Variants in PPARGC1A observed in about 807,000 individuals in gnomAD.
PPARGC1A encodes PPARG coactivator 1 alpha.
A neutral mutation model predicts 88.7 loss-of-function variants in PPARGC1A; 25 were observed. The ratio of observed to expected loss-of-function variants is 0.28; its 90% CI spans 0.21 to 0.39. PPARGC1A has a LOEUF of 0.39. PPARGC1A is among the 10% of genes least tolerant of loss of function. The pLI is 1.00. For missense variants in PPARGC1A, 880 were observed against 968.7 expected, an observed-to-expected ratio of 0.91 and a Z score of 1.22; for synonymous variants, 363 against 355.6, an observed-to-expected ratio of 1.02 and a Z score of -0.24.
chr4:24,123,925 A>C, the PPARGC1A span, among the ~76,000 whole-genome samples: 5 of 146,324 alleles, frequency 3.4e-5, no homozygotes, highest in Non-Finnish European at 7.6e-5. Context: ...AAAAAAAAAA[A>C]CAAAAAAAAC....
the PPARGC1A span, among the ~76,000 whole-genome samples, chr4:24,267,008 G>C: frequency 1.3e-5 from 2 of 152,050 alleles, no homozygotes; most frequent in Non-Finnish European, 2.9e-5. Flanking sequence ...AGGTACATCA[G>C]CTTCCTCTAA....
the PPARGC1A span, among the ~76,000 whole-genome samples, chr4:23,978,765 A>C: frequency 6.6e-6 from 1 of 152,186 alleles, no homozygotes; most frequent in African/African-American, 2.4e-5. Context: ...GGGGAGGGGG[A>C]GAGTGAAACA....
intron 10 of PPARGC1A, among the ~76,000 whole-genome samples, chr4:23,812,143 A>T (rs1010880935): frequency 2.0e-5 from 3 of 151,464 alleles, no homozygotes; most frequent in Admixed American, 6.6e-5. Context: ...CCTGTTTCCT[A>T]TGTTGGCCAG....
the PPARGC1A span, among the ~76,000 whole-genome samples, chr4:24,330,547 G>A: frequency 2.0e-5 from 3 of 152,166 alleles, no homozygotes; most frequent in Admixed American, 6.5e-5. Context: ...TCCAGCCCCA[G>A]CCACAGGAGA....
upstream of PPARGC1A, among the ~76,000 whole-genome samples, chr4:23,900,755 CTGTT>C (rs1195949102): frequency 6.6e-6 from 1 of 152,206 alleles, no homozygotes; most frequent in Non-Finnish European, 1.5e-5. Flanking sequence ...TGCCAGGTGC[CTGTT>C]TGTTTCTCTA....
At chr4:23,853,470 A>G (rs1254163181) in intron 2 of PPARGC1A, among the ~76,000 whole-genome samples, 1 of 152,188 alleles carries the variant, frequency 6.6e-6, no homozygotes, top group African/African-American at 2.4e-5. Context: ...GGAGGTACTC[A>G]AATGTCCTAG....
At chr4:23,823,184 T>A (rs1350353939) in intron 7 of PPARGC1A, among the ~76,000 whole-genome samples, 1 of 151,736 alleles carries the variant, frequency 6.6e-6, no homozygotes, top group African/African-American at 2.4e-5. Context: ...TGTGGATGGG[T>A]GGAATTGGAA....
chr4:23,945,064 G>A, the PPARGC1A span, among the ~76,000 whole-genome samples: 1 of 151,960 alleles, frequency 6.6e-6, no homozygotes, highest in African/African-American at 2.4e-5. Context: ...TCTCATAGGG[G>A]CTAGTATGTA....
At chr4:24,116,887 G>C in the PPARGC1A span, among the ~76,000 whole-genome samples, 2 of 152,098 alleles carry the variant, frequency 1.3e-5, no homozygotes, top group Non-Finnish European at 2.9e-5. Flanking sequence ...TATGTCCTTT[G>C]GTACAGAGTT....
At chr4:24,467,008 G>GAAAGAAAGAAAGAAAGAA in the PPARGC1A span, among the ~76,000 whole-genome samples, 1 of 128,924 alleles carries the variant, frequency 7.8e-6, no homozygotes, top group Non-Finnish European at 1.6e-5. Flanking sequence ...GAAGGAAGGG[G>GAAAGAAAGAAAGAAAGAA]AGAAAGAAAG....
chr4:24,066,849 GT>G, the PPARGC1A span, among the ~76,000 whole-genome samples: 87 of 100,856 alleles, frequency 8.6e-4, no homozygotes, highest in Middle Eastern at 5.4e-3. Flanking sequence ...TTTGTTTTGG[GT>G]TTTTTTTTTT....
the PPARGC1A span, among the ~76,000 whole-genome samples, chr4:24,053,767 G>A: frequency 6.6e-6 from 1 of 152,180 alleles, no homozygotes; most frequent in Non-Finnish European, 1.5e-5. Flanking sequence ...GATTAAATGA[G>A]ATAATCTGCT....
the PPARGC1A span, among the ~76,000 whole-genome samples, chr4:24,029,008 ATAGT>A: frequency 2.8e-4 from 43 of 152,318 alleles, no homozygotes; most frequent in Middle Eastern, 3.4e-3. Context: ...TTTCCCACAA[ATAGT>A]TAGAGAAGCA....
chr4:23,860,763 T>C (rs554692003), intron 2 of PPARGC1A, among the ~76,000 whole-genome samples: 1 of 151,912 alleles, frequency 6.6e-6, no homozygotes, highest in Admixed American at 6.6e-5. Context: ...GTCAAGGAAA[T>C]CTAAATAAAG....
At chr4:23,918,380 C>T in the PPARGC1A span, among the ~76,000 whole-genome samples, 3 of 151,906 alleles carry the variant, frequency 2.0e-5, no homozygotes, top group Non-Finnish European at 4.4e-5. Context: ...AGCCGTCATG[C>T]CCAGCTAATT....
the PPARGC1A span, among the ~76,000 whole-genome samples, chr4:24,267,133 A>T: frequency 2.0e-5 from 3 of 152,328 alleles, no homozygotes; most frequent in African/African-American, 7.2e-5. Context: ...GATTATTCAC[A>T]TGCCATTTGC....
At chr4:24,308,655 G>A in the PPARGC1A span, among the ~76,000 whole-genome samples, 1 of 152,136 alleles carries the variant, frequency 6.6e-6, no homozygotes, top group South Asian at 2.1e-4. Flanking sequence ...TGGGTCAAGT[G>A]TGAGGGTGAG....
chr4:24,420,478 C>G, the PPARGC1A span, among the ~76,000 whole-genome samples: 2 of 152,140 alleles, frequency 1.3e-5, no homozygotes, highest in Non-Finnish European at 2.9e-5. Context: ...AGATTAGTGT[C>G]TGTCCGATCG....
At chr4:24,416,049 AG>A in the PPARGC1A span, among the ~76,000 whole-genome samples, 1 of 152,326 alleles carries the variant, frequency 6.6e-6, no homozygotes. Flanking sequence ...GAATCAGGAA[AG>A]GCTTCATGGA....
Sources: allele counts gnomAD v4.1 joint callset (sites outside exome capture counted in the v4.1 genomes callset), GRCh38; gene constraint gnomAD v4.1.1; transcripts MANE v1.5; gene names NCBI Gene and HGNC (gene_info 2026-07-23, HGNC 2026-07-21).